The following SHISA9 variants were observed in gnomAD, a reference collection of about 807,000 sequenced individuals.
SHISA9 encodes shisa family member 9.
A neutral mutation model predicts 38.0 loss-of-function variants in SHISA9; 13 were observed. The ratio of observed to expected loss-of-function variants is 0.34; its 90% CI spans 0.22 to 0.54. SHISA9 has a LOEUF of 0.54. Ranked by LOEUF, SHISA9 falls within the 20% of genes least tolerant of loss-of-function variation. The probability of loss-of-function intolerance (pLI) is 0.91; values close to 1 mark genes in which losing one functional copy is unlikely to be tolerated. For synonymous variants in SHISA9, 275 were observed against 242.0 expected (o/e 1.14, Z -1.27); for missense variants, 538 against 575.8 (o/e 0.93, Z 0.67).
rs139364811 is a variant in SHISA9, at chr16:13,186,219, T to TTG, written c.692-17157_692-17156dup. ...AAGGACATGTATGTGAAGCACATTGTTGTGTGTGTGTGTGTGTGTATGTGT... is the reference window on the plus strand; with the variant it reads ...AAGGACATGTATGTGAAGCACATTGTTGTGTGTGTGTGTGTGTGTGTATGTGT... On this transcript the variant is annotated intron_variant, in intron 2 of 4. Coordinates refer to ENST00000558583, the MANE Select transcript of SHISA9 (RefSeq NM_001145204.3). Among the ~76,000 whole-genome samples the TTG allele has an allele frequency of 4.3e-3, 644 of 149,630 alleles. 2 individuals are homozygous for TTG. The highest frequency in any genetic ancestry group is 8.9e-3 in the African/African-American group (363 of 40,878).
At chr16:13,335,555 G>A in the SHISA9 span, among the ~76,000 whole-genome samples, 10 of 152,256 alleles carry the variant, frequency 6.6e-5, no homozygotes, top group South Asian at 8.3e-4. Flanking sequence ...TTCCTGCTCC[G>A]TACATAAAAT....
chr16:13,260,805 A>G, the SHISA9 span, among the ~76,000 whole-genome samples: 1 of 151,996 alleles, frequency 6.6e-6, no homozygotes, highest in African/African-American at 2.4e-5. Flanking sequence ...ACTGGTACCA[A>G]TTTACTGTAT....
At chr16:12,980,060 A>G (rs1320639377) in intron 2 of SHISA9, among the ~76,000 whole-genome samples, 1 of 152,218 alleles carries the variant, frequency 6.6e-6, no homozygotes, top group Admixed American at 6.5e-5. Flanking sequence ...TCAAGGAACC[A>G]CACTTTGAGT....
chr16:13,207,377 T>C (rs2142059582), intron 3 of SHISA9, among the ~76,000 whole-genome samples: 1 of 152,256 alleles, frequency 6.6e-6, no homozygotes, highest in East Asian at 1.9e-4. Context: ...AGTGTGAAAA[T>C]CATTTCACAC....
At chr16:12,969,664 T>C (rs906614393) in intron 2 of SHISA9, among the ~76,000 whole-genome samples, 1 of 152,114 alleles carries the variant, frequency 6.6e-6, no homozygotes, top group African/African-American at 2.4e-5. Context: ...GGAGAATTGC[T>C]TGAACCCGGG....
intron 2 of SHISA9, among the ~76,000 whole-genome samples, chr16:13,005,435 G>A (rs2072586466): frequency 6.6e-6 from 1 of 152,168 alleles, no homozygotes; most frequent in Non-Finnish European, 1.5e-5. Flanking sequence ...AGGGATGCAT[G>A]CTCATTTTAC....
At chr16:13,278,415 G>T in the SHISA9 span, among the ~76,000 whole-genome samples, 3 of 151,906 alleles carry the variant, frequency 2.0e-5, no homozygotes, top group African/African-American at 7.3e-5. Flanking sequence ...TGGTATTAGG[G>T]TGACGTTGGC....
chr16:13,183,670 C>A (rs1434118453), intron 2 of SHISA9, among the ~76,000 whole-genome samples: 6 of 152,194 alleles, frequency 3.9e-5, no homozygotes, highest in Non-Finnish European at 8.8e-5. Context: ...GTGAATAACT[C>A]TATTAGGTTC....
At chr16:13,268,223 G>A in the SHISA9 span, among the ~76,000 whole-genome samples, 2 of 152,106 alleles carry the variant, frequency 1.3e-5, no homozygotes, top group African/African-American at 4.8e-5. Context: ...GCCTTATGTT[G>A]AATAAAAAAT....
At chr16:13,019,780 CT>C (rs1456634556) in intron 2 of SHISA9, among the ~76,000 whole-genome samples, 1 of 112,424 alleles carries the variant, frequency 8.9e-6, no homozygotes, top group Non-Finnish European at 1.9e-5. Flanking sequence ...TTCTTTCTTT[CT>C]TTCTTTCTTT....
the SHISA9 span, among the ~76,000 whole-genome samples, chr16:13,469,206 C>T: frequency 6.7e-6 from 1 of 149,204 alleles, no homozygotes; most frequent in Non-Finnish European, 1.5e-5. Context: ...CATGCCACTG[C>T]ACTCCAACCT....
At chr16:13,044,570 G>T (rs894195563) in intron 2 of SHISA9, among the ~76,000 whole-genome samples, 1 of 152,212 alleles carries the variant, frequency 6.6e-6, no homozygotes, top group Non-Finnish European at 1.5e-5. Context: ...CATGCAAAAA[G>T]AATCTTCAAC....
At chr16:12,977,692 T>TCC (rs2072182905) in intron 2 of SHISA9, among the ~76,000 whole-genome samples, 1 of 152,058 alleles carries the variant, frequency 6.6e-6, no homozygotes, top group Admixed American at 6.5e-5. Context: ...CTGGAAGCCA[T>TCC]TATCCTCAGC....
chr16:12,908,422 G>C, intron 1 of SHISA9: 11 of 1,544,872 alleles, frequency 7.1e-6, no homozygotes, highest in Non-Finnish European at 9.6e-6. Context: ...TTGCAATTTT[G>C]CCATAAGCTT....
At chr16:13,244,982 C>G (rs910952571), downstream of SHISA9, among the ~76,000 whole-genome samples, 5 of 152,200 alleles carry the variant, frequency 3.3e-5, no homozygotes, top group African/African-American at 1.2e-4. Context: ...GTGGAGCAAT[C>G]ACAGCTCACT....
intron 2 of SHISA9, among the ~76,000 whole-genome samples, chr16:13,012,692 G>A (rs1054540063): frequency 1.3e-5 from 2 of 152,196 alleles, no homozygotes; most frequent in African/African-American, 4.8e-5. Context: ...GCTGCCTTTA[G>A]CCACAGCATC....
the SHISA9 span, among the ~76,000 whole-genome samples, chr16:13,513,472 C>T: frequency 6.6e-6 from 1 of 152,154 alleles, no homozygotes; most frequent in Admixed American, 6.5e-5. Flanking sequence ...ATTGACCCAG[C>T]AATCCCATTA....
intron 4 of SHISA9, among the ~76,000 whole-genome samples, chr16:13,224,796 AGGTAG>A (rs2051263064): frequency 6.6e-6 from 1 of 152,168 alleles, no homozygotes. Flanking sequence ...GTTTTTCAGG[AGGTAG>A]CCTTTGGTCA....
At chr16:12,977,735 C>T (rs962773890) in intron 2 of SHISA9, among the ~76,000 whole-genome samples, 21 of 151,992 alleles carry the variant, frequency 1.4e-4, no homozygotes, top group Admixed American at 1.2e-3. Context: ...CCAAACACCG[C>T]ATGGTCTCAC....
Sources: gnomAD v4.1 joint callset for allele counts (sites outside exome capture counted in the v4.1 genomes callset) on GRCh38, gnomAD v4.1.1 for gene constraint, MANE v1.5 for transcripts, NCBI Gene and HGNC (gene_info 2026-07-23, HGNC 2026-07-21) for gene names.